Variants in SLC4A7 observed in about 807,000 individuals in gnomAD.
SLC4A7 encodes solute carrier family 4 member 7, also known as sodium bicarbonate cotransporter 3.
In SLC4A7, 51 loss-of-function variants were observed where a neutral mutation model predicts 137.6. The ratio of observed to expected loss-of-function variants is 0.37; its 90% CI spans 0.30 to 0.47. The LOEUF (loss-of-function observed/expected upper bound fraction) is 0.47, where lower values mean the gene tolerates loss of function less well. SLC4A7 is among the 20% of genes least tolerant of loss of function. The pLI is 1.00. For synonymous variants in SLC4A7, 542 were observed against 518.6 expected (o/e 1.05, Z -0.61); for missense variants, 1,247 against 1,525.4 (o/e 0.82, Z 3.04).
Position 27,447,640 on chromosome 3 carries a change from CTTTTTT to C in SLC4A7, c.289+1005_289+1010del, listed in dbSNP as rs71087609. Reference sequence around the variant, plus strand: ...AGAATCCTCCTCAGGTTTTACAGCCCTTTTTTTTTTTTTTTTTTTTTTTGGCTCTTT... The same window carrying C: ...AGAATCCTCCTCAGGTTTTACAGCCCTTTTTTTTTTTTTTTTTGGCTCTTT... On this transcript the variant is annotated intron_variant, in intron 3 of 25. Coordinates refer to ENST00000454389, the MANE Select transcript of SLC4A7 (RefSeq NM_001321103.2). 6.0e-3 allele frequency among the ~76,000 whole-genome samples: 602 copies of C among 99,740 alleles called. 5 individuals are homozygous for C. The highest frequency in any genetic ancestry group is 0.024 in the African/African-American group (562 of 23,750). The allele number at this position is 99,740 out of a possible 152,430, so 65.4% of individuals were successfully genotyped here.
intron 6 of SLC4A7, 76 bp downstream of exon 6, chr3:27,433,840 A>T: frequency 7.9e-7 from 1 of 1,268,510 alleles, no homozygotes; most frequent in Non-Finnish European, 1.1e-6. Context: ...AATATCCCCA[A>T]ATGTTAATCG....
Position 27,431,687 on chromosome 3 carries a change from A to C in SLC4A7, c.779-18T>G, listed in dbSNP as rs1291653511. On this transcript the variant is annotated intron_variant, in intron 6 of 25. Transcript: ENST00000454389. ...GCCTTCCCCTGAGATAAAACAAATA[A>C]ATGAAAAATGATGAAGTCCACTGCA... The C allele has an allele frequency of 5.3e-6, 8 of 1,509,554 alleles. No individual in the cohort carries two copies. The highest frequency in any genetic ancestry group is 7.1e-6 in the Non-Finnish European group (8 of 1,129,190). 93.5% of individuals were successfully genotyped at this position (1,509,554 alleles called of 1,614,324 possible).
At chr3:27,401,028 G>T in intron 15 of SLC4A7, 159 bp from the exon 16 acceptor site, 1 of 466,930 alleles carries the variant, frequency 2.1e-6, no homozygotes, top group Non-Finnish European at 3.8e-6. Flanking sequence ...ACAACAGAAT[G>T]GAATAAAGTT....
At chr3:27,449,635 T>C (rs1026449131) in intron 2 of SLC4A7, among the ~76,000 whole-genome samples, 3 of 152,064 alleles carry the variant, frequency 2.0e-5, no homozygotes, top group Admixed American at 6.5e-5. Context: ...TGCAGTATAA[T>C]AACAAAATAG....
chr3:27,472,471 T>A lies in SLC4A7; in HGVS notation c.60+11596A>T, dbSNP rs1576662434. Among the ~76,000 whole-genome samples the A allele has an allele frequency of 2.6e-5, 4 of 151,816 alleles. 1 individual carries two copies. The South Asian group carries it at 8.3e-4, about 32-fold the overall frequency. ...GCCTGGGCGACAGAATGAGACTCCA[T>A]CTCAAAATATATACATATAAATAAA... is the stretch of plus-strand genomic sequence containing the variant. On this transcript the variant is annotated intron_variant, in intron 1 of 25. Coordinates refer to ENST00000454389, the MANE Select transcript of SLC4A7 (RefSeq NM_001321103.2).
intron 1 of SLC4A7, among the ~76,000 whole-genome samples, chr3:27,463,554 T>C (rs2058811957): frequency 6.6e-6 from 1 of 151,816 alleles, no homozygotes; most frequent in Non-Finnish European, 1.5e-5. Flanking sequence ...AAATAAAAAA[T>C]AAAGCAAGCC....
At chr3:27,462,185 A>G (rs764784851) in intron 1 of SLC4A7, among the ~76,000 whole-genome samples, 21 of 152,160 alleles carry the variant, frequency 1.4e-4, no homozygotes, top group Admixed American at 3.3e-4. Context: ...ACACTTTTGT[A>G]CTTCCTACTT....
chr3:27,418,389 G>T, intron 11 of SLC4A7, 97 bp downstream of exon 11: 2 of 911,928 alleles, frequency 2.2e-6, no homozygotes, highest in Non-Finnish European at 3.4e-6. Flanking sequence ...ACGAGGTGGG[G>T]ATAAAACTTC....
chr3:27,446,304 A>G (rs1283474149), intron 3 of SLC4A7, among the ~76,000 whole-genome samples: 1 of 152,130 alleles, frequency 6.6e-6, no homozygotes, highest in African/African-American at 2.4e-5. Context: ...GTTTAGAAGC[A>G]AAGTCCTGTG....
At position 27,373,786 on chromosome 3, in the gene SLC4A7, A is replaced by C. The variant is rs369407146; in HGVS notation, c.*2978T>G. 74 of 152,722 alleles carry C rather than the reference A, an allele frequency of 4.8e-4. No homozygotes were observed. Among genetic ancestry groups the C allele is most frequent in the African/African-American group, 1.6e-3 (68 of 41,592 alleles). The allele number at this position is 152,722 out of a possible 1,614,324, so 9.5% of individuals were successfully genotyped here. A position where few individuals can be genotyped will look rare whatever the true frequency, so the allele number is the denominator to read the frequency against. ...GGAAGAAATAAACTTTTTTGGATGA[A>C]GAAAACAAGTTAATTTTGAGTGGTA... On this transcript the variant is annotated 3_prime_UTR_variant, in exon 26 of 26. Coordinates refer to ENST00000454389, the MANE Select transcript of SLC4A7 (RefSeq NM_001321103.2).
In SLC4A7 at chr3:27,375,313, T is replaced by C. The variant is rs1018712442; in HGVS notation, c.*1451A>G. On this transcript the variant is annotated 3_prime_UTR_variant, in exon 26 of 26. Transcript: ENST00000454389. ...GATGTCACCATTTTTGATATTTCTG[T>C]GGCTTCTCAATACTCATTTGATTTT... is the stretch of plus-strand genomic sequence containing the variant. 1 of 152,076 alleles carries C rather than the reference T, an allele frequency of 6.6e-6. No homozygotes were observed. The highest frequency in any genetic ancestry group is 2.4e-5 in the African/African-American group (1 of 41,454). 9.4% of individuals were successfully genotyped at this position (152,076 alleles called of 1,614,324 possible).
intron 1 of SLC4A7, among the ~76,000 whole-genome samples, chr3:27,483,611 G>C (rs922792059): frequency 6.6e-6 from 1 of 152,246 alleles, no homozygotes; most frequent in African/African-American, 2.4e-5. Flanking sequence ...CTAGAGACAG[G>C]TGGAGCCGCC....
chr3:27,482,025 C>T (rs754573526), intron 1 of SLC4A7, among the ~76,000 whole-genome samples: 49 of 152,052 alleles, frequency 3.2e-4, no homozygotes, highest in Non-Finnish European at 6.8e-4. Flanking sequence ...CCCAGCTACT[C>T]GGGAGGCTGA....
chr3:27,374,358 T>C lies in SLC4A7; in HGVS notation c.*2406A>G, dbSNP rs189749105. 1.2e-4 allele frequency: 19 copies of C among 152,634 alleles called. No homozygotes were observed. The highest frequency in any genetic ancestry group is 8.3e-4 in the South Asian group (4 of 4,826). 9.5% of individuals were successfully genotyped at this position (152,634 alleles called of 1,614,324 possible). ...TTGCACCTTGAGGTAAATCAGTACATAGCAACTACTACTGCTTACATACAC... is the reference window on the plus strand; with the variant it reads ...TTGCACCTTGAGGTAAATCAGTACACAGCAACTACTACTGCTTACATACAC... On this transcript the variant is annotated 3_prime_UTR_variant, in exon 26 of 26. Transcript: ENST00000454389.
intron 1 of SLC4A7, among the ~76,000 whole-genome samples, chr3:27,483,576 A>C (rs2059809107): frequency 6.6e-6 from 1 of 152,212 alleles, no homozygotes; most frequent in South Asian, 2.1e-4. Flanking sequence ...GAAAGATTCA[A>C]CCAGCTCTTC....
At chr3:27,461,824 C>G (rs2058716573) in intron 1 of SLC4A7, among the ~76,000 whole-genome samples, 2 of 151,234 alleles carry the variant, frequency 1.3e-5, no homozygotes, top group African/African-American at 4.9e-5. Flanking sequence ...TAGCCGGGCA[C>G]TGTGGCATGC....
intron 1 of SLC4A7, among the ~76,000 whole-genome samples, chr3:27,483,152 A>G (rs964217087): frequency 6.6e-6 from 1 of 152,242 alleles, no homozygotes; most frequent in Non-Finnish European, 1.5e-5. Flanking sequence ...ATCTCCTTTG[A>G]GTCACGAACT....
At chr3:27,483,792 T>C (rs1183891609) in intron 1 of SLC4A7, among the ~76,000 whole-genome samples, 1 of 151,760 alleles carries the variant, frequency 6.6e-6, no homozygotes, top group African/African-American at 2.4e-5. Flanking sequence ...TGCGGGGATG[T>C]CGGGGTCCCG....
intron 7 of SLC4A7, among the ~76,000 whole-genome samples, chr3:27,429,339 A>AT (rs141812029): frequency 2.6e-5 from 4 of 151,480 alleles, no homozygotes; most frequent in Admixed American, 6.6e-5. Context: ...TGCACATACA[A>AT]TTTTTTTTTC....
Sources: gnomAD v4.1 joint callset for allele counts (sites outside exome capture counted in the v4.1 genomes callset) on GRCh38, gnomAD v4.1.1 for gene constraint, MANE v1.5 for transcripts, NCBI Gene and HGNC (gene_info 2026-07-23, HGNC 2026-07-21) for gene names.